Variants in FHIT observed in about 807,000 individuals in gnomAD.
FHIT encodes the protein fragile histidine triad diadenosine triphosphatase, also known as bis(5'-adenosyl)-triphosphatase.
In FHIT, 19 loss-of-function variants were observed where a neutral mutation model predicts 17.9. The ratio of observed to expected loss-of-function variants is 1.06; its 90% confidence interval spans 0.74 to 1.56. The LOEUF (loss-of-function observed/expected upper bound fraction) is 1.56, where lower values mean the gene tolerates loss of function less well. Among genes scored for constraint, FHIT ranks in the 40% most tolerant of loss-of-function variants. The probability of loss-of-function intolerance (pLI) is 0.00; values close to 1 mark genes in which losing one functional copy is unlikely to be tolerated. For synonymous variants in FHIT, 81 were observed against 69.7 expected, an observed-to-expected ratio of 1.16 and a Z score of -0.81; for missense variants, 248 against 189.2, an observed-to-expected ratio of 1.31 and a Z score of -1.82.
intron 5 of FHIT, among the ~76,000 whole-genome samples, chr3:60,183,243 C>T (rs1157324555): frequency 6.6e-6 from 1 of 151,824 alleles, no homozygotes; most frequent in African/African-American, 2.4e-5. Flanking sequence ...ACTAAAAATA[C>T]AAAAATTAGC....
At chr3:60,558,746 A>G (rs6805412) in intron 4 of FHIT, among the ~76,000 whole-genome samples, 1 of 151,920 alleles carries the variant, frequency 6.6e-6, no homozygotes, top group African/African-American at 2.4e-5. Flanking sequence ...CTAATTAACT[A>G]TGACATGTTC....
At chr3:60,980,377 T>C (rs1463153435) in intron 3 of FHIT, among the ~76,000 whole-genome samples, 1 of 152,186 alleles carries the variant, frequency 6.6e-6, no homozygotes, top group Non-Finnish European at 1.5e-5. Context: ...AGACAGACCA[T>C]GATCATTTGC....
At chr3:60,786,980 G>A (rs1446002889) in intron 4 of FHIT, among the ~76,000 whole-genome samples, 1 of 146,268 alleles carries the variant, frequency 6.8e-6, no homozygotes, top group African/African-American at 2.6e-5. Flanking sequence ...AAAAGAAGCA[G>A]GAAAGAGGGA....
intron 5 of FHIT, among the ~76,000 whole-genome samples, chr3:60,274,542 GC>G (rs1303126321): frequency 6.6e-6 from 1 of 152,112 alleles, no homozygotes. Context: ...TGTGTCATAA[GC>G]TATGTTTACA....
intron 4 of FHIT, among the ~76,000 whole-genome samples, chr3:60,588,000 C>G (rs2107690226): frequency 6.6e-6 from 1 of 151,932 alleles, no homozygotes; most frequent in South Asian, 2.1e-4. Flanking sequence ...TGCCTTTTCC[C>G]TAGCTATTAC....
intron 5 of FHIT, among the ~76,000 whole-genome samples, chr3:60,095,611 G>C (rs1703912754): frequency 6.6e-6 from 1 of 152,204 alleles, no homozygotes; most frequent in Admixed American, 6.5e-5. Flanking sequence ...CAAGCATGTA[G>C]AGGGAAAGCT....
chr3:60,431,440 G>T (rs534595608), intron 5 of FHIT, among the ~76,000 whole-genome samples: 1 of 152,076 alleles, frequency 6.6e-6, no homozygotes, highest in Non-Finnish European at 1.5e-5. Flanking sequence ...GCTTAGTGTA[G>T]CTGTCGCTGG....
intron 4 of FHIT, among the ~76,000 whole-genome samples, chr3:60,795,508 G>GTTTT (rs201826426): frequency 8.4e-5 from 12 of 142,990 alleles, no homozygotes; most frequent in Non-Finnish European, 1.7e-4. Flanking sequence ...TTTGTTTTTT[G>GTTTT]TTTTTTTTTT....
rs114651206 is a variant in FHIT, at chr3:60,308,358, T to C, written c.103+228502A>G. Among the ~76,000 whole-genome samples, 560 of 152,116 alleles carry C rather than the reference T, an allele frequency of 3.7e-3. 4 individuals carry two copies. The highest frequency in any genetic ancestry group is 0.013 in the African/African-American group (535 of 41,506). On this transcript the variant is annotated intron_variant, in intron 5 of 9. Transcript: ENST00000492590. ...TCCCACTATTGGGCCTGACTTTCTG[T>C]TTACAGGGTTAACTGACAACTCTCA...
At chr3:60,864,621 T>C (rs1704079138) in intron 3 of FHIT, among the ~76,000 whole-genome samples, 1 of 151,982 alleles carries the variant, frequency 6.6e-6, no homozygotes, top group African/African-American at 2.4e-5. Flanking sequence ...GCAGATGAGG[T>C]TGGAGCCTAA....
chr3:59,951,097 T>C (rs1196014950), intron 7 of FHIT, among the ~76,000 whole-genome samples: 1 of 152,202 alleles, frequency 6.6e-6, no homozygotes. Flanking sequence ...AAGTATTAAT[T>C]ACCTATGTGT....
At chr3:60,330,775 G>T (rs1709928695) in intron 5 of FHIT, among the ~76,000 whole-genome samples, 1 of 152,184 alleles carries the variant, frequency 6.6e-6, no homozygotes, top group African/African-American at 2.4e-5. Context: ...TGCAAAATCT[G>T]ATTTACACGT....
chr3:60,249,173 C>G (rs758481194), intron 5 of FHIT, among the ~76,000 whole-genome samples: 8 of 152,070 alleles, frequency 5.3e-5, no homozygotes, highest in Non-Finnish European at 1.0e-4. Context: ...AAAACTCTAA[C>G]AAGGCAGGGG....
chr3:60,278,805 C>CT (rs1331442183), intron 5 of FHIT, among the ~76,000 whole-genome samples: 2 of 151,990 alleles, frequency 1.3e-5, no homozygotes, highest in Admixed American at 6.6e-5. Context: ...AAAGAAATTT[C>CT]TTAAAGATAA....
At chr3:60,446,494 T>C (rs1395719052) in intron 5 of FHIT, among the ~76,000 whole-genome samples, 3 of 152,162 alleles carry the variant, frequency 2.0e-5, no homozygotes, top group African/African-American at 7.2e-5. Context: ...GTTTAAGGCC[T>C]GTGGGGTACA....
At chr3:60,442,650 G>T (rs2030990999) in intron 5 of FHIT, among the ~76,000 whole-genome samples, 1 of 152,156 alleles carries the variant, frequency 6.6e-6, no homozygotes, top group African/African-American at 2.4e-5. Flanking sequence ...TTTGGTAACA[G>T]TACCATGCTG....
At chr3:61,184,983 T>C (rs771267688) in intron 2 of FHIT, among the ~76,000 whole-genome samples, 19 of 152,296 alleles carry the variant, frequency 1.2e-4, no homozygotes, top group Non-Finnish European at 2.2e-4. Context: ...CTAAGGGAAA[T>C]GAGAAAACAC....
intron 5 of FHIT, among the ~76,000 whole-genome samples, chr3:60,149,601 A>C (rs934649807): frequency 6.6e-6 from 1 of 152,134 alleles, no homozygotes; most frequent in Non-Finnish European, 1.5e-5. Context: ...ATCAAAGGGC[A>C]ATGAACATCT....
In FHIT at chr3:60,129,665, G is replaced by A. The variant is rs567230515; in HGVS notation, c.104-115513C>T. ...GAATTTACTTTTTGTTTTCTGCTTT[G>A]CTTCATTCATCCTGCTTTGCTTTTT... On this transcript the variant is annotated intron_variant, in intron 5 of 9. Coordinates refer to ENST00000492590, the MANE Select transcript of FHIT (RefSeq NM_002012.4). 1.0e-3 allele frequency among the ~76,000 whole-genome samples: 158 copies of A among 152,106 alleles called. 1 individual carries two copies. Among genetic ancestry groups the A allele is most frequent in the African/African-American group, 3.6e-3 (148 of 41,502 alleles).
Sources: gnomAD v4.1 joint callset for allele counts (sites outside exome capture counted in the v4.1 genomes callset) on GRCh38, gnomAD v4.1.1 for gene constraint, MANE v1.5 for transcripts, NCBI Gene and HGNC (gene_info 2026-07-23, HGNC 2026-07-21) for gene names.